Variants in DTNB observed in about 807,000 individuals in gnomAD.
DTNB encodes dystrobrevin beta, also known as DTN-B.
Under a neutral mutation model 90.7 loss-of-function variants are expected in DTNB, and 63 were observed. That is an observed-to-expected ratio of 0.69 (90% CI 0.57 to 0.86). The LOEUF is 0.86. DTNB is among the 40% of genes least tolerant of loss of function. The pLI is 0.00. For synonymous variants in DTNB, 277 were observed against 286.7 expected (o/e 0.97, Z 0.34); for missense variants, 744 against 807.1 (o/e 0.92, Z 0.95).
chr2:25,589,921 G>A (rs1573025361), intron 6 of DTNB, among the ~76,000 whole-genome samples: 1 of 152,220 alleles, frequency 6.6e-6, no homozygotes, highest in African/African-American at 2.4e-5. Flanking sequence ...GCCATGTGCA[G>A]AGCAGTGAAG....
At chr2:25,584,702 G>C (rs146921197) in intron 6 of DTNB, among the ~76,000 whole-genome samples, 1 of 151,980 alleles carries the variant, frequency 6.6e-6, no homozygotes, top group Non-Finnish European at 1.5e-5. Context: ...GACTACAGGC[G>C]TGTGCCACCA....
At chr2:25,622,260 G>A (rs535790791) in intron 4 of DTNB, among the ~76,000 whole-genome samples, 16 of 152,300 alleles carry the variant, frequency 1.1e-4, no homozygotes, top group Non-Finnish European at 2.1e-4. Context: ...AAGTCGGGTG[G>A]ATCACTTGAG....
At chr2:25,442,457 T>G (rs1468219275) in intron 12 of DTNB, among the ~76,000 whole-genome samples, 1 of 152,230 alleles carries the variant, frequency 6.6e-6, no homozygotes. Flanking sequence ...TGTCTGGAAC[T>G]GGGCTTAGGC....
chr2:25,620,208 G>A (rs889329011), intron 4 of DTNB, among the ~76,000 whole-genome samples: 18 of 152,148 alleles, frequency 1.2e-4, no homozygotes, highest in Non-Finnish European at 2.1e-4. Flanking sequence ...AAAGAAGAGC[G>A]TCTCCAGGAG....
intron 4 of DTNB, among the ~76,000 whole-genome samples, chr2:25,609,053 G>T (rs1294315718): frequency 6.6e-6 from 1 of 152,150 alleles, no homozygotes; most frequent in Non-Finnish European, 1.5e-5. Flanking sequence ...CAAGGTCTGT[G>T]GCCAGAGAGG....
chr2:25,578,506 C>T (rs965984800), intron 7 of DTNB, among the ~76,000 whole-genome samples: 5 of 152,014 alleles, frequency 3.3e-5, no homozygotes, highest in Non-Finnish European at 2.9e-5. Context: ...ATTAAATTAC[C>T]AAATACATTC....
At chr2:25,639,451 G>A (rs1241316843) in intron 2 of DTNB, 1 of 170,278 alleles carries the variant, frequency 5.9e-6, no homozygotes, top group Non-Finnish European at 1.3e-5. Context: ...TCCTGTCCCA[G>A]CCTGACCAAC....
chr2:25,629,348 T>C (rs2075180631), intron 3 of DTNB, among the ~76,000 whole-genome samples: 1 of 152,140 alleles, frequency 6.6e-6, no homozygotes, highest in South Asian at 2.1e-4. Flanking sequence ...AACACAACTA[T>C]TCAAAAGAAG....
rs1299386968 is a variant in DTNB at position 25,411,359 on chromosome 2, C to CA, written c.1575+8155dup. On this transcript the variant is annotated intron_variant, in intron 16 of 20. Coordinates refer to ENST00000406818, the MANE Select transcript of DTNB (RefSeq NM_021907.5). ...AGGCAAGAAGAGTGAAACTCCGTTT[C>CA]AAAAAAAAAAAAGAAAAGAAAAACC... Among the ~76,000 whole-genome samples, 1,084 of 119,684 alleles carry CA rather than the reference C, an allele frequency of 9.1e-3. 14 individuals carry two copies. Among genetic ancestry groups the CA allele is most frequent in the African/African-American group, 0.03 (947 of 31,416 alleles). 78.5% of individuals were successfully genotyped at this position (119,684 alleles called of 152,430 possible). A position where few individuals can be genotyped will look rare whatever the true frequency, so the allele number is the denominator to read the frequency against.
At chr2:25,665,931 C>T (rs868556538) in intron 1 of DTNB, among the ~76,000 whole-genome samples, 6 of 152,250 alleles carry the variant, frequency 3.9e-5, no homozygotes, top group Middle Eastern at 3.4e-3. Flanking sequence ...AATAACCTCA[C>T]GGGGCTGTGG....
At position 25,439,271 on chromosome 2, in the gene DTNB, T is replaced by C. The variant is rs376764234; in HGVS notation, c.1258-5276A>G. On this transcript the variant is annotated intron_variant, in intron 12 of 20. Coordinates refer to ENST00000406818, the MANE Select transcript of DTNB (RefSeq NM_021907.5). ...ATCCCAGCACTCTGGGAGACAGAGG[T>C]GGGAGGTCATTTGAGGCCAGGAGTT... 3.1e-3 allele frequency among the ~76,000 whole-genome samples: 475 copies of C among 151,812 alleles called. 3 individuals are homozygous for C. The highest frequency in any genetic ancestry group is 0.011 in the African/African-American group (457 of 41,382).
intron 16 of DTNB, among the ~76,000 whole-genome samples, chr2:25,405,216 C>A (rs1297297984): frequency 6.6e-6 from 1 of 152,170 alleles, no homozygotes; most frequent in Admixed American, 6.5e-5. Flanking sequence ...GCGTGAGCTA[C>A]CATGCCTGGC....
chr2:25,548,893 T>C (rs1483950350), intron 8 of DTNB, among the ~76,000 whole-genome samples: 3 of 152,186 alleles, frequency 2.0e-5, no homozygotes, highest in African/African-American at 7.2e-5. Context: ...TATGTTTACA[T>C]ACACATAAAT....
chr2:25,491,662 G>A (rs1406177307), intron 9 of DTNB, among the ~76,000 whole-genome samples: 1 of 152,010 alleles, frequency 6.6e-6, no homozygotes, highest in Admixed American at 6.6e-5. Context: ...GGGAACAGTG[G>A]TATATTCTTT....
chr2:25,590,687 CT>C (rs1307629101), intron 6 of DTNB, among the ~76,000 whole-genome samples: 1 of 152,162 alleles, frequency 6.6e-6, no homozygotes, highest in African/African-American at 2.4e-5. Flanking sequence ...GAGTTTAGGG[CT>C]TTTGTGGGTC....
intron 8 of DTNB, among the ~76,000 whole-genome samples, chr2:25,567,687 G>C (rs1421952596): frequency 1.3e-5 from 2 of 152,120 alleles, no homozygotes; most frequent in Non-Finnish European, 2.9e-5. Context: ...TCTACTAACT[G>C]TATCTGTGGT....
chr2:25,627,928 G>A (rs983331304), intron 4 of DTNB, among the ~76,000 whole-genome samples: 1 of 151,948 alleles, frequency 6.6e-6, no homozygotes, highest in Non-Finnish European at 1.5e-5. Flanking sequence ...AGTAGAGACG[G>A]GGTTTCACCG....
chr2:25,535,657 G>A (rs1298530021), intron 8 of DTNB, among the ~76,000 whole-genome samples: 2 of 146,836 alleles, frequency 1.4e-5, no homozygotes, highest in Non-Finnish European at 3.0e-5. Flanking sequence ...GGGCGGCCGG[G>A]CAGAGGGGCT....
chr2:25,560,743 G>A (rs1168627480), intron 8 of DTNB, among the ~76,000 whole-genome samples: 4 of 152,312 alleles, frequency 2.6e-5, no homozygotes, highest in South Asian at 2.1e-4. Context: ...ACCCTATTGA[G>A]TCTGTTTCTC....
Sources: allele counts gnomAD v4.1 joint callset (sites outside exome capture counted in the v4.1 genomes callset), GRCh38; gene constraint gnomAD v4.1.1; transcripts MANE v1.5; gene names NCBI Gene and HGNC (gene_info 2026-07-23, HGNC 2026-07-21).